Variants in LRP2 observed in about 807,000 individuals in gnomAD.
LRP2 encodes low-density lipoprotein receptor-related protein 2.
A neutral mutation model predicts 531.0 loss-of-function variants in LRP2; 172 were observed. The observed-to-expected ratio is 0.32, with a 90% confidence interval of 0.29 to 0.37. The LOEUF (loss-of-function observed/expected upper bound fraction) is 0.37. Among genes scored for constraint, LRP2 ranks in the 10% least tolerant of loss-of-function variants. The pLI is 1.00. For missense variants in LRP2, 5,167 were observed against 5,868.3 expected, an observed-to-expected ratio of 0.88 and a Z score of 3.90; for synonymous variants, 1,992 against 2,027.6, an observed-to-expected ratio of 0.98 and a Z score of 0.47.
At chr2:169,359,988 G>T (rs1341071442) in intron 1 of LRP2, among the ~76,000 whole-genome samples, 1 of 151,958 alleles carries the variant, frequency 6.6e-6, no homozygotes, top group Admixed American at 6.6e-5. Context: ...AGCTGGGCAT[G>T]GTGCCCCGGG....
At chr2:169,183,328 C>A (rs1276405824) in intron 50 of LRP2, among the ~76,000 whole-genome samples, 1 of 152,172 alleles carries the variant, frequency 6.6e-6, no homozygotes, top group Non-Finnish European at 1.5e-5. Flanking sequence ...CCAGTTAATT[C>A]ACTTGGGTAA....
In LRP2 at chr2:169,289,133, C is replaced by A. The variant is rs754771703; in HGVS notation, c.935G>T (p.Cys312Phe). 1 of 1,614,122 alleles carries A rather than the reference C, an allele frequency of 6.2e-7. No individual in the cohort carries two copies. Residue 312 changes from cysteine (C) to phenylalanine (F), a missense_variant, in exon 9 of 79, where the codon TGC becomes TTC. By Grantham distance (205) the Cys-to-Phe change is radical. Transcript: ENST00000649046. ...CTGGTACTGGCAGTTCAAGGCAGAG[C>A]ACAGAGTCATACCTAAACGAAGAAA... ...STGKYCSMTL[C>F]SALNCQYQCH...
chr2:169,139,502 C>T (rs753211100), intron 73 of LRP2, 41 bp downstream of exon 73: 4 of 1,610,848 alleles, frequency 2.5e-6, no homozygotes, highest in East Asian at 2.2e-5. Flanking sequence ...AATGTAGGGG[C>T]CATGAGTAAT....
At chr2:169,184,946 G>A (rs1687579783) in intron 50 of LRP2, among the ~76,000 whole-genome samples, 1 of 151,988 alleles carries the variant, frequency 6.6e-6, no homozygotes, top group Admixed American at 6.6e-5. Context: ...ATTTTCCTTA[G>A]AGACAGATTT....
At chr2:169,149,200 G>A (rs927937079) in intron 68 of LRP2, among the ~76,000 whole-genome samples, 1 of 152,166 alleles carries the variant, frequency 6.6e-6, no homozygotes, top group African/African-American at 2.4e-5. Context: ...TATATATGTA[G>A]GACACTTAGC....
At chr2:169,188,872 C>T (rs973581729) in intron 48 of LRP2, among the ~76,000 whole-genome samples, 2 of 152,162 alleles carry the variant, frequency 1.3e-5, no homozygotes, top group African/African-American at 2.4e-5. Context: ...AGTCCTGTTC[C>T]TTCCATCTTT....
At chr2:169,351,618 A>G (rs1054976021) in intron 1 of LRP2, among the ~76,000 whole-genome samples, 1 of 152,156 alleles carries the variant, frequency 6.6e-6, no homozygotes. Flanking sequence ...CTCACTCTAC[A>G]TGTGAGAAGG....
At chr2:169,295,321 C>T (rs533753583) in intron 4 of LRP2, among the ~76,000 whole-genome samples, 3 of 152,170 alleles carry the variant, frequency 2.0e-5, no homozygotes, top group Admixed American at 6.5e-5. Context: ...CAGGGTAGAG[C>T]GGCCTGAAAA....
chr2:169,351,293 G>A (rs943577960), intron 1 of LRP2, among the ~76,000 whole-genome samples: 1 of 152,122 alleles, frequency 6.6e-6, no homozygotes, highest in Non-Finnish European at 1.5e-5. Flanking sequence ...AAAATTGAAA[G>A]GTAATTACAG....
chr2:169,165,996 A>G lies in LRP2; in HGVS notation c.11694T>C (p.Tyr3898=), dbSNP rs988149781. The G allele has an allele frequency of 6.2e-7, 1 of 1,614,052 alleles. No individual in the cohort carries two copies. Among genetic ancestry groups the G allele is most frequent in the Non-Finnish European group, 8.5e-7 (1 of 1,179,902 alleles). ...RFRCDNNRCI[Y]SHEVCNGVDD... ...CCACACCATTGCACACCTCATGACT[A>G]TAAATGCAGCGATTGTTGTCACACC... The change falls in exon 62 of 79, where the codon TAT becomes TAC. Residue 3898 remains tyrosine (Y), a synonymous_variant. Transcript: ENST00000649046.
Position 169,341,443 on chromosome 2 carries a change from A to G in LRP2, c.80-20559T>C, listed in dbSNP as rs1212654238. On this transcript the variant is annotated intron_variant, in intron 1 of 78. Coordinates refer to ENST00000649046, the MANE Select transcript of LRP2 (RefSeq NM_004525.3). The stretch of plus-strand genomic sequence containing the variant: ...TGGAGCACCAACTGTTTTTCCATCA[A>G]ATAAGAGTTTCTTCCAATCTACAAA... Among the ~76,000 whole-genome samples, 7 of 152,306 alleles carry G rather than the reference A, an allele frequency of 4.6e-5. No homozygotes were observed. In the East Asian group the frequency reaches 1.3e-3, roughly 29 times the overall value.
chr2:169,292,092 C>T (rs373199783), intron 7 of LRP2, among the ~76,000 whole-genome samples, 161 bp downstream of exon 7: 4 of 152,150 alleles, frequency 2.6e-5, no homozygotes, highest in African/African-American at 4.8e-5. Flanking sequence ...CAGTCACCTC[C>T]GTCTTCCCCA....
At chr2:169,302,503 G>A (rs575642445) in intron 4 of LRP2, among the ~76,000 whole-genome samples, 5 of 152,230 alleles carry the variant, frequency 3.3e-5, no homozygotes, top group Admixed American at 2.0e-4. Flanking sequence ...GGATTGTCAC[G>A]ACTGGGCAAT....
rs1358301627 is a variant in LRP2, at chr2:169,292,312, T to C, written c.710A>G (p.Gln237Arg). ...ATCTTCTCCATCACAAACCCAGTTTTGATAAATGCATCGGCCACTGGGGCA... is the reference window on the plus strand; with the variant it reads ...ATCTTCTCCATCACAAACCCAGTTTCGATAAATGCATCGGCCACTGGGGCA... ...FTCPSGRCIY[Q>R]NWVCDGEDDC... is the part of the protein sequence containing the mutation. The change falls in exon 7 of 79, where the codon CAA becomes CGA. Residue 237 changes from glutamine to arginine, a missense_variant. Around this residue, in one of 6 missense-constraint regions of LRP2, gnomAD observed 2,811 missense variants for 3,058.0 expected, o/e 0.92. Transcript: ENST00000649046. 1 of 1,614,070 alleles carries C rather than the reference T, an allele frequency of 6.2e-7. No individual in the cohort carries two copies. The highest frequency in any genetic ancestry group is 8.5e-7 in the Non-Finnish European group (1 of 1,180,022).
intron 4 of LRP2, among the ~76,000 whole-genome samples, chr2:169,296,024 T>C (rs999895168): frequency 3.9e-5 from 6 of 152,132 alleles, no homozygotes; most frequent in African/African-American, 1.4e-4. Flanking sequence ...TTGAAGATAA[T>C]TCTTTGGATA....
At chr2:169,171,323 G>A (rs936654421) in intron 58 of LRP2, among the ~76,000 whole-genome samples, 1 of 152,068 alleles carries the variant, frequency 6.6e-6, no homozygotes, top group African/African-American at 2.4e-5. Context: ...CATATCATGG[G>A]TCAGTGATAT....
At chr2:169,294,023 G>A (rs886455132) in intron 6 of LRP2, 125 bp downstream of exon 6, 8 of 723,262 alleles carry the variant, frequency 1.1e-5, no homozygotes, top group African/African-American at 3.5e-5. Context: ...GCCATCAAAC[G>A]TAGTGACTCT....
intron 76 of LRP2, among the ~76,000 whole-genome samples, chr2:169,135,157 C>T (rs1238199833): frequency 6.6e-6 from 1 of 152,158 alleles, no homozygotes; most frequent in Non-Finnish European, 1.5e-5. Flanking sequence ...TCTCTTAGAA[C>T]CTCTCATTTC....
chr2:169,133,038 G>A (rs375859882), intron 76 of LRP2, among the ~76,000 whole-genome samples: 1 of 152,172 alleles, frequency 6.6e-6, no homozygotes, highest in African/African-American at 2.4e-5. Context: ...TATACTGGAA[G>A]CCAAATCCTA....
Sources: gnomAD v4.1 joint callset for allele counts (sites outside exome capture counted in the v4.1 genomes callset) on GRCh38, gnomAD v4.1.1 for gene constraint, gnomAD v4.1.1 regional missense constraint, MANE v1.5 for transcripts, NCBI Gene and HGNC (gene_info 2026-07-23, HGNC 2026-07-21) for gene names.